The following ITPR2 variants were observed in gnomAD, a reference collection of about 807,000 sequenced individuals.
The protein encoded by ITPR2 is inositol 1,4,5-trisphosphate-gated calcium channel ITPR2.
Under a neutral mutation model 317.1 loss-of-function variants are expected in ITPR2, and 207 were observed. The ratio of observed to expected loss-of-function variants is 0.65; its 90% CI spans 0.58 to 0.73. The LOEUF (loss-of-function observed/expected upper bound fraction) is 0.73. Ranked by LOEUF, ITPR2 falls within the 30% of genes least tolerant of loss-of-function variation. The probability of loss-of-function intolerance (pLI) is 0.00; values close to 1 mark genes in which losing one functional copy is unlikely to be tolerated. For synonymous variants in ITPR2, 1,156 were observed against 1,149.1 expected (o/e 1.01, Z -0.12); for missense variants, 2,613 against 3,284.0 (o/e 0.80, Z 4.99).
intron 54 of ITPR2, among the ~76,000 whole-genome samples, chr12:26,395,671 T>C (rs1413613373): frequency 1.3e-5 from 2 of 152,186 alleles, no homozygotes; most frequent in Non-Finnish European, 2.9e-5. Context: ...GGCAGCATCA[T>C]TCTCCTGTAT....
intron 53 of ITPR2, among the ~76,000 whole-genome samples, chr12:26,399,715 A>G (rs1255642702): frequency 6.6e-6 from 1 of 152,198 alleles, no homozygotes; most frequent in Non-Finnish European, 1.5e-5. Context: ...TCCTGTTAGA[A>G]TTTGCTCAAA....
chr12:26,399,147 T>C (rs1179049499), intron 53 of ITPR2, 106 bp from the exon 54 acceptor site: 1 of 823,802 alleles, frequency 1.2e-6, no homozygotes, highest in Non-Finnish European at 1.7e-6. Context: ...ATATAAATAG[T>C]ATCCCAAGTT....
intron 35 of ITPR2, among the ~76,000 whole-genome samples, chr12:26,558,058 T>G (rs1339466678): frequency 6.6e-6 from 1 of 152,212 alleles, no homozygotes; most frequent in African/African-American, 2.4e-5. Flanking sequence ...AAAGTGATCA[T>G]TTCTACTTCA....
intron 2 of ITPR2, among the ~76,000 whole-genome samples, chr12:26,787,688 C>T (rs758758529): frequency 9.2e-5 from 14 of 152,104 alleles, no homozygotes; most frequent in Non-Finnish European, 1.5e-4. Flanking sequence ...CGTGGGCACC[C>T]CTGGAAACCA....
chr12:26,396,501 TCTC>T (rs1409414835), intron 54 of ITPR2, among the ~76,000 whole-genome samples: 5 of 152,248 alleles, frequency 3.3e-5, no homozygotes, highest in African/African-American at 1.2e-4. Flanking sequence ...CCTTCCTGCT[TCTC>T]CTCACACCAT....
intron 41 of ITPR2, among the ~76,000 whole-genome samples, chr12:26,484,180 T>TGTATATATAC (rs1942610075): frequency 6.6e-6 from 1 of 151,092 alleles, no homozygotes; most frequent in Non-Finnish European, 1.5e-5. Flanking sequence ...TATGTGTATA[T>TGTATATATAC]ATATATCAAG....
At chr12:26,667,340 C>T (rs1338017712) in intron 13 of ITPR2, among the ~76,000 whole-genome samples, 1 of 152,198 alleles carries the variant, frequency 6.6e-6, no homozygotes, top group African/African-American at 2.4e-5. Context: ...AATTTAGTCA[C>T]CCAGAGAAAT....
chr12:26,665,843 C>A, intron 14 of ITPR2, 67 bp downstream of exon 14: 1 of 1,371,496 alleles, frequency 7.3e-7, no homozygotes, highest in Non-Finnish European at 1.0e-6. Context: ...ATAACTAATA[C>A]AAGGCCTTTC....
At chr12:26,726,687 A>G (rs112568114) in intron 2 of ITPR2, among the ~76,000 whole-genome samples, 3 of 152,234 alleles carry the variant, frequency 2.0e-5, no homozygotes, top group Non-Finnish European at 4.4e-5. Flanking sequence ...AATAAAATTC[A>G]GTCAACTCAA....
intron 55 of ITPR2, among the ~76,000 whole-genome samples, chr12:26,365,831 A>G (rs943433403): frequency 6.6e-5 from 10 of 152,212 alleles, no homozygotes; most frequent in African/African-American, 2.4e-4. Context: ...GTCTTACACA[A>G]ACACTGATCC....
chr12:26,800,889 C>T, intron 1 of ITPR2: 1 of 154,616 alleles, frequency 6.5e-6, no homozygotes. Context: ...CTGGAGCTTG[C>T]CCTGGCCTGC....
chr12:26,721,287 A>T, intron 5 of ITPR2: 1 of 601,386 alleles, frequency 1.7e-6, no homozygotes, highest in Non-Finnish European at 3.1e-6. Flanking sequence ...AAACCTTACC[A>T]AAGGAAGATA....
intron 51 of ITPR2, among the ~76,000 whole-genome samples, chr12:26,412,782 T>C (rs931585031): frequency 2.0e-5 from 3 of 152,084 alleles, no homozygotes; most frequent in Non-Finnish European, 4.4e-5. Context: ...CCAGGTACAA[T>C]TTGTCTGACA....
At chr12:26,755,774 C>T (rs1592099218) in intron 2 of ITPR2, among the ~76,000 whole-genome samples, 1 of 152,336 alleles carries the variant, frequency 6.6e-6, no homozygotes, top group East Asian at 1.9e-4. Flanking sequence ...AGGACTCAAA[C>T]TTGACTTGTA....
chr12:26,357,404 G>C (rs1027954435), intron 55 of ITPR2, among the ~76,000 whole-genome samples: 1 of 152,138 alleles, frequency 6.6e-6, no homozygotes, highest in Non-Finnish European at 1.5e-5. Context: ...ATCTGCCCTG[G>C]CTCCATGTGG....
At chr12:26,770,216 C>A (rs1949815384) in intron 2 of ITPR2, among the ~76,000 whole-genome samples, 1 of 152,150 alleles carries the variant, frequency 6.6e-6, no homozygotes, top group Non-Finnish European at 1.5e-5. Flanking sequence ...TAAATAAGGT[C>A]TTTCTCCATC....
intron 9 of ITPR2, among the ~76,000 whole-genome samples, chr12:26,700,596 C>T (rs963148539): frequency 1.2e-4 from 19 of 152,242 alleles, no homozygotes; most frequent in Admixed American, 6.5e-5. Context: ...TCCTGTAGCA[C>T]GCTGCTTCCC....
chr12:26,527,306 C>A (rs964582224), intron 37 of ITPR2, among the ~76,000 whole-genome samples: 1 of 152,192 alleles, frequency 6.6e-6, no homozygotes, highest in Non-Finnish European at 1.5e-5. Flanking sequence ...TGTCCTCAGA[C>A]TTGGCATTGC....
chr12:26,774,254 A>G (rs891685088), intron 2 of ITPR2, among the ~76,000 whole-genome samples: 4 of 152,164 alleles, frequency 2.6e-5, no homozygotes, highest in Non-Finnish European at 5.9e-5. Context: ...ACATAAAACA[A>G]CTAATCAAAC....
Sources: allele counts gnomAD v4.1 joint callset (sites outside exome capture counted in the v4.1 genomes callset), GRCh38; gene constraint gnomAD v4.1.1; transcripts MANE v1.5; gene names NCBI Gene and HGNC (gene_info 2026-07-23, HGNC 2026-07-21).